THBS4: variants seen among roughly 807,000 people sequenced by gnomAD.
THBS4 encodes thrombospondin-4.
In THBS4, 90 loss-of-function variants were observed where a neutral mutation model predicts 115.7. The observed-to-expected ratio is 0.78, with a 90% CI of 0.66 to 0.93. The LOEUF (loss-of-function observed/expected upper bound fraction) is 0.93. Ranked by LOEUF, THBS4 falls within the 40% of genes least tolerant of loss-of-function variation. THBS4 has a pLI of 0.00. For synonymous variants in THBS4, 460 were observed against 479.3 expected, an observed-to-expected ratio of 0.96 and a Z score of 0.53; for missense variants, 1,087 against 1,232.7, an observed-to-expected ratio of 0.88 and a Z score of 1.77.
At chr5:80,047,388 GTTTTGTT>G (rs942621292) in intron 2 of THBS4, among the ~76,000 whole-genome samples, 22 of 152,108 alleles carry the variant, frequency 1.4e-4, no homozygotes, top group African/African-American at 2.9e-4. Context: ...GTTTTGTTTG[GTTTTGTT>G]TTTTGTTTTT....
At chr5:80,040,339 G>C in intron 2 of THBS4, 59 bp downstream of exon 2, 2 of 1,355,966 alleles carry the variant, frequency 1.5e-6, no homozygotes, top group South Asian at 2.5e-5. Flanking sequence ...TCCAGGATTA[G>C]GGGTATACTG....
At chr5:80,025,315 AAAG>A (rs199734964) in intron 2 of THBS4, among the ~76,000 whole-genome samples, 2 of 152,194 alleles carry the variant, frequency 1.3e-5, no homozygotes, top group East Asian at 1.9e-4. Flanking sequence ...GTGGTGTGCA[AAAG>A]AAGATGAGAA....
At chr5:80,018,576 G>T (rs1376044835) in intron 2 of THBS4, among the ~76,000 whole-genome samples, 1 of 151,534 alleles carries the variant, frequency 6.6e-6, no homozygotes, top group Non-Finnish European at 1.5e-5. Flanking sequence ...TGTACTTTTA[G>T]TAGAGATGGG....
chr5:80,077,087 G>A (rs754435350), intron 16 of THBS4, 39 bp downstream of exon 16: 3 of 1,491,984 alleles, frequency 2.0e-6, no homozygotes, highest in African/African-American at 2.8e-5. Flanking sequence ...GCACCCCTGG[G>A]CTCCCTTCAG....
At position 80,078,043 on chromosome 5, in the gene THBS4, A is replaced by C. The variant is rs1024540658; in HGVS notation, c.2087-6A>C. On this transcript the variant is annotated splice_polypyrimidine_tract_variant and splice_region_variant and intron_variant, in intron 16 of 21. Coordinates refer to ENST00000350881, the MANE Select transcript of THBS4 (RefSeq NM_003248.6). ...TGAGCTCCTGTCCTTTCTCCACCCC[A>C]CTCAGGCGACGGAGTGGGAGACATC... 3 of 1,567,162 alleles carry C rather than the reference A, an allele frequency of 1.9e-6. No individual in the cohort carries two copies. The highest frequency in any genetic ancestry group is 2.6e-6 in the Non-Finnish European group (3 of 1,148,842).
chr5:80,068,401 C>G (rs1833915577), intron 10 of THBS4: 1 of 380,808 alleles, frequency 2.6e-6, no homozygotes, highest in African/African-American at 2.1e-5. Flanking sequence ...AGCCCCAGCT[C>G]CCAAGCACCT....
At chr5:80,074,666 C>T (rs1329591578) in intron 15 of THBS4, among the ~76,000 whole-genome samples, 1 of 151,482 alleles carries the variant, frequency 6.6e-6, no homozygotes, top group Non-Finnish European at 1.5e-5. Context: ...CTCTGTCACC[C>T]AGGCTGGCGT....
chr5:80,059,514 G>A, intron 6 of THBS4, 23 bp downstream of exon 6: 2 of 1,613,800 alleles, frequency 1.2e-6, no homozygotes. Context: ...CTAGTAATGG[G>A]CTCGCCTGAG....
Position 80,055,856 on chromosome 5 carries a change from G to A in THBS4, c.364G>A (p.Gly122Arg), listed in dbSNP as rs774397823. Residue 122 changes from glycine to arginine, a missense_variant, in exon 3 of 22, where the codon GGA (glycine) becomes AGA (arginine). Around this residue, in one of 3 missense-constraint regions of THBS4, gnomAD observed 979 missense variants for 1,103.7 expected, o/e 0.89. Coordinates refer to ENST00000350881, the MANE Select transcript of THBS4 (RefSeq NM_003248.6). ...TTTCAACAACCTGCAGCTGGCAGAC[G>A]GAAGGCGGCACAGGATCCTCCTGAG... ...VVFNNLQLAD[G>R]RRHRILLRLS... The A allele has an allele frequency of 2.4e-5, 38 of 1,614,068 alleles. No homozygotes were observed. Among genetic ancestry groups the A allele is most frequent in the Admixed American group, 3.3e-5 (2 of 60,008 alleles).
chr5:80,058,960 G>T (rs1833529923), intron 5 of THBS4, among the ~76,000 whole-genome samples, 170 bp downstream of exon 5: 1 of 151,926 alleles, frequency 6.6e-6, no homozygotes, highest in African/African-American at 2.4e-5. Flanking sequence ...TCTGGAAATG[G>T]GGTCCAAGCT....
intron 2 of THBS4, among the ~76,000 whole-genome samples, chr5:80,023,281 G>T (rs1334790459): frequency 1.3e-5 from 2 of 152,090 alleles, no homozygotes; most frequent in African/African-American, 4.8e-5. Flanking sequence ...AGCTGTACCT[G>T]CATATACACA....
intron 9 of THBS4, among the ~76,000 whole-genome samples, chr5:80,065,878 G>T (rs996616491): frequency 6.6e-6 from 1 of 152,012 alleles, no homozygotes; most frequent in Non-Finnish European, 1.5e-5. Flanking sequence ...CAATCATGGG[G>T]TCAGGAGATC....
At chr5:80,046,216 A>C (rs1320275486) in intron 2 of THBS4, among the ~76,000 whole-genome samples, 3 of 152,216 alleles carry the variant, frequency 2.0e-5, no homozygotes, top group Non-Finnish European at 4.4e-5. Flanking sequence ...AGTGTTCTTC[A>C]AATTGTCAAG....
In THBS4 at chr5:80,079,106, G is replaced by A; in HGVS notation, c.2359G>A (p.Val787Met). ...AGTTGACTTCGAAGGGACCTTCCAT[G>A]TGAATACCCAGACAGATGATGACTA... The part of the protein sequence containing the change: ...NGVDFEGTFH[V>M]NTQTDDDYAG... The change falls in exon 19 of 22, where the codon GTG (valine) becomes ATG (methionine). Residue 787 changes from valine to methionine, a missense_variant. Val to Met is a conservative substitution (Grantham distance 21, BLOSUM62 1). Coordinates refer to ENST00000350881, the MANE Select transcript of THBS4 (RefSeq NM_003248.6). The A allele has an allele frequency of 6.2e-7, 1 of 1,614,098 alleles. No individual in the cohort carries two copies. Among genetic ancestry groups the A allele is most frequent in the African/African-American group, 1.3e-5 (1 of 75,050 alleles).
At chr5:80,008,870 G>T (rs1832068568) in intron 2 of THBS4, among the ~76,000 whole-genome samples, 1 of 152,180 alleles carries the variant, frequency 6.6e-6, no homozygotes, top group South Asian at 2.1e-4. Context: ...GAGGGAAGAA[G>T]CTTATTTATA....
intron 1 of THBS4, among the ~76,000 whole-genome samples, chr5:79,995,772 CA>C (rs1831779535): frequency 7.2e-6 from 1 of 139,084 alleles, no homozygotes; most frequent in Admixed American, 7.6e-5. Flanking sequence ...CAGTTACCTT[CA>C]AATTTCCCTA....
intron 2 of THBS4, among the ~76,000 whole-genome samples, chr5:80,047,098 G>A (rs145788674): frequency 5.8e-4 from 89 of 152,338 alleles, no homozygotes; most frequent in African/African-American, 2.0e-3. Context: ...GTTGAGGATA[G>A]TGCCTGACAC....
chr5:80,035,970 A>G lies in THBS4; in HGVS notation c.88+345A>G, dbSNP rs999680100. ...GTGTAGGGTGAATTCCGGGTCCTGC[A>G]CCCTGTGCCGGTTCCCTCCAGGCAG... is the stretch of plus-strand genomic sequence containing the variant. On this transcript the variant is annotated intron_variant, in intron 1 of 21. Transcript: ENST00000350881. The surrounding 1 kb of genome is among the most constrained non-coding windows in gnomAD (Gnocchi z 4.6). The G allele has an allele frequency of 9.7e-7, 1 of 1,035,346 alleles. No homozygotes were observed. The highest frequency in any genetic ancestry group is 1.7e-5 in the African/African-American group (1 of 59,204). 64.1% of individuals were successfully genotyped at this position (1,035,346 alleles called of 1,614,324 possible).
At chr5:80,037,705 A>T (rs1832761461) in intron 1 of THBS4, among the ~76,000 whole-genome samples, 1 of 152,188 alleles carries the variant, frequency 6.6e-6, no homozygotes, top group Non-Finnish European at 1.5e-5. Context: ...GAGTACTAAG[A>T]ATTTTGTTTT....
Sources: gnomAD v4.1 joint callset for allele counts (sites outside exome capture counted in the v4.1 genomes callset) on GRCh38, gnomAD v4.1.1 for gene constraint, gnomAD v4.1.1 regional missense constraint, Gnocchi (gnomAD v3.1) non-coding constraint, MANE v1.5 for transcripts, NCBI Gene and HGNC (gene_info 2026-07-23, HGNC 2026-07-21) for gene names.